Variants in ERG observed in about 807,000 individuals in gnomAD.
The protein encoded by ERG is ETS transcription factor ERG.
Under a neutral mutation model 55.3 loss-of-function variants are expected in ERG, and 9 were observed. That is an observed-to-expected ratio of 0.16 (90% CI 0.10 to 0.28). The LOEUF is 0.28. Ranked by LOEUF, ERG falls within the 10% of genes least tolerant of loss-of-function variation. The pLI is 1.00. For synonymous variants in ERG, 223 were observed against 237.3 expected, an observed-to-expected ratio of 0.94 and a Z score of 0.55; for missense variants, 434 against 631.6, an observed-to-expected ratio of 0.69 and a Z score of 3.35.
At chr21:38,578,636 A>AG (rs751845266) in intron 1 of ERG, among the ~76,000 whole-genome samples, 32 of 152,090 alleles carry the variant, frequency 2.1e-4, no homozygotes, top group Non-Finnish European at 4.4e-4. Context: ...GAGGTACCTG[A>AG]GGCAGAGTCA....
At chr21:38,591,372 C>T (rs2060099372) in intron 1 of ERG, among the ~76,000 whole-genome samples, 1 of 152,182 alleles carries the variant, frequency 6.6e-6, no homozygotes, top group Non-Finnish European at 1.5e-5. Flanking sequence ...ATGTAGGCTA[C>T]TCATAGAAGA....
intron 2 of ERG, among the ~76,000 whole-genome samples, chr21:38,536,761 G>C (rs549794683): frequency 6.6e-6 from 1 of 152,326 alleles, no homozygotes; most frequent in Non-Finnish European, 1.5e-5. Flanking sequence ...ACTTTAAAAT[G>C]CTAAATTGAT....
intron 1 of ERG, among the ~76,000 whole-genome samples, chr21:38,655,402 A>T (rs2060512796): frequency 6.6e-6 from 1 of 152,086 alleles, no homozygotes; most frequent in South Asian, 2.1e-4. Context: ...TAAGCTTCCC[A>T]ATTCTCCCAA....
chr21:38,457,830 C>T (rs1569114594), intron 1 of ERG, among the ~76,000 whole-genome samples: 1 of 152,190 alleles, frequency 6.6e-6, no homozygotes, highest in Non-Finnish European at 1.5e-5. Context: ...AAGTTGCCTA[C>T]TCATCCAACC....
At chr21:38,409,399 C>T (rs1365449059) in intron 3 of ERG, among the ~76,000 whole-genome samples, 1 of 148,008 alleles carries the variant, frequency 6.8e-6, no homozygotes, top group Admixed American at 6.8e-5. Flanking sequence ...AGGAGAATTG[C>T]TTGAATCCAG....
intron 1 of ERG, among the ~76,000 whole-genome samples, chr21:38,490,117 T>A (rs2059322581): frequency 6.6e-6 from 1 of 152,146 alleles, no homozygotes; most frequent in Non-Finnish European, 1.5e-5. Flanking sequence ...CAGGTGCTCG[T>A]GAATAATTGG....
At position 38,423,579 on chromosome 21, in the gene ERG, T is replaced by G. The variant is rs192061583; in HGVS notation, c.237-18A>C. On this transcript the variant is annotated intron_variant, in intron 2 of 9. Coordinates refer to ENST00000288319, the MANE Select transcript of ERG (RefSeq NM_182918.4). ...GAGAGTTCCTGGAGGAGAAGAAATA[T>G]TCTTCCATTATAACAGCAATCAAAG... 5.1e-4 allele frequency: 814 copies of G among 1,599,008 alleles called. 2 individuals are homozygous for G. In the African/African-American group the frequency reaches 9.8e-3, roughly 19 times the overall value.
intron 1 of ERG, among the ~76,000 whole-genome samples, chr21:38,452,375 A>G (rs1399872395): frequency 6.6e-6 from 1 of 152,264 alleles, no homozygotes; most frequent in Non-Finnish European, 1.5e-5. Flanking sequence ...ACATGCATAT[A>G]CACAAATACA....
At chr21:38,604,228 T>TG (rs1432904464) in intron 1 of ERG, among the ~76,000 whole-genome samples, 9 of 145,376 alleles carry the variant, frequency 6.2e-5, no homozygotes, top group Non-Finnish European at 1.2e-4. Context: ...CACTCCAGCC[T>TG]GGGCGACAGA....
chr21:38,440,112 C>T (rs1229671384), intron 2 of ERG, among the ~76,000 whole-genome samples: 1 of 152,198 alleles, frequency 6.6e-6, no homozygotes, highest in Non-Finnish European at 1.5e-5. Context: ...ACGTAACTTC[C>T]CCTTGGACTT....
At chr21:38,604,734 T>C (rs2060186522) in intron 1 of ERG, among the ~76,000 whole-genome samples, 1 of 152,230 alleles carries the variant, frequency 6.6e-6, no homozygotes, top group Admixed American at 6.5e-5. Context: ...TCAACTGGCA[T>C]ATCCACATTA....
At chr21:38,426,343 C>T (rs541668786) in intron 2 of ERG, among the ~76,000 whole-genome samples, 10 of 152,122 alleles carry the variant, frequency 6.6e-5, no homozygotes, top group Non-Finnish European at 4.4e-5. Context: ...TGGAAAATTC[C>T]ATCAGTTGAG....
intron 1 of ERG, among the ~76,000 whole-genome samples, chr21:38,607,544 G>A (rs1213694058): frequency 1.2e-4 from 19 of 152,138 alleles, no homozygotes; most frequent in Non-Finnish European, 2.8e-4. Context: ...TGAGGCAGGA[G>A]AATGGCATGA....
chr21:38,452,322 C>T (rs2226375), intron 1 of ERG, among the ~76,000 whole-genome samples: 35,899 of 152,022 alleles, frequency 0.24, 5,175 homozygotes, highest in East Asian at 0.52. Context: ...TACATACATG[C>T]GCAAATACAT....
At chr21:38,571,347 C>T (rs1247483617) in intron 2 of ERG, among the ~76,000 whole-genome samples, 2 of 150,984 alleles carry the variant, frequency 1.3e-5, no homozygotes, top group Non-Finnish European at 3.0e-5. Context: ...CTTGTCTCTA[C>T]AAAAAAAATA....
At chr21:38,484,067 C>T (rs1780872672) in intron 1 of ERG, among the ~76,000 whole-genome samples, 1 of 152,138 alleles carries the variant, frequency 6.6e-6, no homozygotes, top group Non-Finnish European at 1.5e-5. Context: ...ACAACAGCCA[C>T]AGAACTTAAG....
chr21:38,531,061 G>A (rs2059668968), intron 2 of ERG, among the ~76,000 whole-genome samples: 1 of 152,108 alleles, frequency 6.6e-6, no homozygotes, highest in African/African-American at 2.4e-5. Context: ...TGGTGGGCAG[G>A]GAGAGCAGGC....
In ERG at chr21:38,647,463, C is replaced by T. The variant is rs529222872; in HGVS notation, c.-150+14195G>A. Reference sequence around the variant, plus strand: ...ACAGATATACCTAAATGTAGACATACGTATATGTATAATGCAAAGTACTAA... The same window carrying T: ...ACAGATATACCTAAATGTAGACATATGTATATGTATAATGCAAAGTACTAA... On this transcript the variant is annotated intron_variant, in intron 1 of 10. Coordinates refer to the ERG transcript ENST00000398910. Among the ~76,000 whole-genome samples, 5 of 151,976 alleles carry T rather than the reference C, an allele frequency of 3.3e-5. 1 individual carries two copies. Among genetic ancestry groups the T allele is most frequent in the South Asian group, 4.2e-4 (2 of 4,810 alleles).
At chr21:38,423,333 G>T in intron 3 of ERG, 77 bp downstream of exon 3, 1 of 1,474,198 alleles carries the variant, frequency 6.8e-7, no homozygotes. Context: ...AGGTGGGGGA[G>T]AAGAGCTCCC....
Sources: gnomAD v4.1 joint callset for allele counts (sites outside exome capture counted in the v4.1 genomes callset) on GRCh38, gnomAD v4.1.1 for gene constraint, MANE v1.5 for transcripts, NCBI Gene and HGNC (gene_info 2026-07-23, HGNC 2026-07-21) for gene names.